The following DDX31 variants were observed in gnomAD, a reference collection of about 807,000 sequenced individuals.
The protein encoded by DDX31 is ATP-dependent DNA helicase DDX31.
A neutral mutation model predicts 91.3 loss-of-function variants in DDX31; 70 were observed. The observed-to-expected ratio is 0.77, with a 90% CI of 0.63 to 0.94. The LOEUF (loss-of-function observed/expected upper bound fraction) is 0.94, where lower values mean the gene tolerates loss of function less well. DDX31 is among the 40% of genes least tolerant of loss of function. The pLI, the probability that DDX31 is intolerant of heterozygous loss-of-function variation, is 0.00. For missense variants in DDX31, 902 were observed against 925.0 expected (o/e 0.98, Z 0.32); for synonymous variants, 362 against 350.6 (o/e 1.03, Z -0.36).
Position 132,648,460 on chromosome 9 carries a change from G to A in DDX31, c.832C>T (p.Arg278Trp), listed in dbSNP as rs202240270. 8.7e-5 allele frequency: 141 copies of A among 1,613,796 alleles called. No homozygotes were observed. Among genetic ancestry groups the A allele is most frequent in the Non-Finnish European group, 1.1e-4 (130 of 1,179,956 alleles). Residue 278 changes from arginine to tryptophan, a missense_variant, in exon 10 of 20, where the codon CGG becomes TGG. Arg to Trp is a moderately radical substitution (Grantham distance 101). Coordinates refer to ENST00000372159, the MANE Select transcript of DDX31 (RefSeq NM_022779.9). Reference protein sequence around the residue: ...STKNIHFSRLRWLVFDEADRI... With the variant: ...STKNIHFSRLWWLVFDEADRI... ...TCTGCTTCATCAAACACCAACCACC[G>A]CAGCCGACTAAAATGAATGTTCTTT... is the stretch of plus-strand genomic sequence containing the variant.
In DDX31 at chr9:132,600,090, AG is replaced by A. The variant is rs1350794500; in HGVS notation, c.1995-4979del. Among the ~76,000 whole-genome samples the A allele has an allele frequency of 3.9e-5, 6 of 152,230 alleles. No homozygotes were observed. The East Asian group carries it at 9.6e-4, about 24-fold the overall frequency. ...CGTATGCTTGTACACAGAGGAGCTG[AG>A]GGAAAGAATAAGCTGGTGTGGGATG... is the stretch of plus-strand genomic sequence containing the variant. On this transcript the variant is annotated intron_variant, in intron 19 of 19. Transcript: ENST00000372159.
intron 6 of DDX31, among the ~76,000 whole-genome samples, chr9:132,653,846 T>C (rs942007105): frequency 2.9e-4 from 44 of 151,894 alleles, no homozygotes; most frequent in African/African-American, 1.0e-3. Flanking sequence ...TATGGAAAAA[T>C]AAATGTACAA....
At chr9:132,663,589 C>G in intron 1 of DDX31, 1 of 900,670 alleles carries the variant, frequency 1.1e-6, no homozygotes, top group Non-Finnish European at 1.3e-6. Flanking sequence ...TAAAAGCATC[C>G]CTTGAGTAGC....
At chr9:132,609,644 C>T (rs561295807) in intron 19 of DDX31, among the ~76,000 whole-genome samples, 2 of 151,900 alleles carry the variant, frequency 1.3e-5, no homozygotes, top group Non-Finnish European at 2.9e-5. Flanking sequence ...TTCTTTGAGA[C>T]AGCGTCTCAC....
At position 132,607,350 on chromosome 9, in the gene DDX31, A is replaced by G. The variant is rs185698009; in HGVS notation, c.1994+4737T>C. 1.5e-4 allele frequency among the ~76,000 whole-genome samples: 23 copies of G among 152,364 alleles called. No individual in the cohort carries two copies. The East Asian group carries it at 3.9e-3, about 26-fold the overall frequency. On this transcript the variant is annotated intron_variant, in intron 19 of 19. Transcript: ENST00000372159. ...ACATTTGGGCTAGGCTGACTTGAGA[A>G]AATTTATACAAATAAAACTTTTCTT...
chr9:132,604,051 C>CCA (rs547242621), intron 19 of DDX31, among the ~76,000 whole-genome samples: 25 of 152,256 alleles, frequency 1.6e-4, no homozygotes, highest in Non-Finnish European at 2.6e-4. Context: ...AAAGCAAGGC[C>CCA]CACAGCACCT....
chr9:132,669,973 G>C lies in DDX31; in HGVS notation c.-39C>G. ...GACGCGTGGTGCAGCAGCGAGCCCG[G>C]TGCGCAGACTGCTGGGCCCGGGACC... On this transcript the variant is annotated 5_prime_UTR_variant, in exon 1 of 20. Transcript: ENST00000372159. The C allele has an allele frequency of 6.3e-7, 1 of 1,577,042 alleles. No homozygotes were observed. Among genetic ancestry groups the C allele is most frequent in the Non-Finnish European group, 8.6e-7 (1 of 1,162,466 alleles).
At chr9:132,669,488 C>T in intron 1 of DDX31, 1 of 1,017,830 alleles carries the variant, frequency 9.8e-7, no homozygotes, top group Non-Finnish European at 1.3e-6. Flanking sequence ...AAAATCAGAG[C>T]TTAGTCCGCA....
rs77288837 is a variant in DDX31, at chr9:132,625,353, C to T, written c.1713+311G>A. 5.6e-3 allele frequency among the ~76,000 whole-genome samples: 852 copies of T among 152,078 alleles called. 6 individuals are homozygous for T. Among genetic ancestry groups the T allele is most frequent in the African/African-American group, 0.017 (714 of 41,404 alleles). ...TGCTGAGAATCTGGACAGGGACCAC[C>T]GGGGCTGAGCGTGTGGCACTGCCTC... On this transcript the variant is annotated intron_variant, in intron 17 of 19. Transcript: ENST00000372159.
At chr9:132,631,667 A>G (rs1349206661) in intron 15 of DDX31, among the ~76,000 whole-genome samples, 1 of 152,208 alleles carries the variant, frequency 6.6e-6, no homozygotes, top group Non-Finnish European at 1.5e-5. Flanking sequence ...CCTGCAGGTC[A>G]ACGTACACGG....
intron 14 of DDX31, chr9:132,637,774 C>G (rs1833216616): frequency 3.1e-6 from 3 of 976,788 alleles, no homozygotes; most frequent in African/African-American, 1.8e-5. Flanking sequence ...ACTGAGTAAA[C>G]AGCAAACAAT....
chr9:132,669,837 G>A (rs1003624890), intron 1 of DDX31, 23 bp downstream of exon 1: 4 of 1,558,578 alleles, frequency 2.6e-6, no homozygotes, highest in African/African-American at 2.7e-5. Flanking sequence ...TGGGGACGGA[G>A]CTGAAGCCGG....
In DDX31 at chr9:132,645,866, T is replaced by G. The variant is rs760273633; in HGVS notation, c.1380+29A>C. 7 of 1,590,518 alleles carry G rather than the reference T, an allele frequency of 4.4e-6. No homozygotes were observed. The South Asian group carries it at 7.8e-5, about 18-fold the overall frequency. ...CCATCTCCACGTGGGGCCGCAGTGTTGTCGCTGCACAGGGAGATCAGTGCT... is the reference window on the plus strand; with the variant it reads ...CCATCTCCACGTGGGGCCGCAGTGTGGTCGCTGCACAGGGAGATCAGTGCT... On this transcript the variant is annotated intron_variant, in intron 13 of 19. Transcript: ENST00000372159.
chr9:132,636,991 T>C (rs1833159649), intron 14 of DDX31, among the ~76,000 whole-genome samples: 1 of 152,202 alleles, frequency 6.6e-6, no homozygotes, highest in Non-Finnish European at 1.5e-5. Context: ...ACCACGTATA[T>C]GACAAATATC....
At chr9:132,649,794 A>C (rs925520757) in intron 9 of DDX31, among the ~76,000 whole-genome samples, 4 of 152,260 alleles carry the variant, frequency 2.6e-5, no homozygotes, top group Non-Finnish European at 5.9e-5. Flanking sequence ...ACTGACACCC[A>C]TTACAAATCC....
intron 1 of DDX31, among the ~76,000 whole-genome samples, chr9:132,664,410 T>C (rs910053876): frequency 6.6e-6 from 1 of 152,060 alleles, no homozygotes. Flanking sequence ...TAGGCTGAAC[T>C]AAAAAATCTG....
chr9:132,615,715 G>A (rs963826325), intron 18 of DDX31, among the ~76,000 whole-genome samples: 1 of 152,128 alleles, frequency 6.6e-6, no homozygotes, highest in South Asian at 2.1e-4. Flanking sequence ...ATTTTTGTTC[G>A]GGAATCTGGA....
At chr9:132,625,800 G>C in intron 16 of DDX31, 55 bp from the exon 17 acceptor site, 1 of 1,388,594 alleles carries the variant, frequency 7.2e-7, no homozygotes, top group Non-Finnish European at 1.0e-6. Flanking sequence ...AAACACCCAA[G>C]ACCTTGATGC....
rs749935114 is a variant in DDX31 at position 132,662,707 on chromosome 9, C to A, written c.76-12G>T. ...GTAGCCTTTGCTTGCTGCGTTGTTCCCAGAAGGAAAGATCAACAAGAGATG... is the reference window on the plus strand; with the variant it reads ...GTAGCCTTTGCTTGCTGCGTTGTTCACAGAAGGAAAGATCAACAAGAGATG... On this transcript the variant is annotated splice_polypyrimidine_tract_variant and intron_variant, in intron 1 of 19. Coordinates refer to ENST00000372159, the MANE Select transcript of DDX31 (RefSeq NM_022779.9). 1 of 1,613,672 alleles carries A rather than the reference C, an allele frequency of 6.2e-7. No individual in the cohort carries two copies. The highest frequency in any genetic ancestry group is 1.1e-5 in the South Asian group (1 of 91,056).
Sources: gnomAD v4.1 joint callset for allele counts (sites outside exome capture counted in the v4.1 genomes callset) on GRCh38, gnomAD v4.1.1 for gene constraint, MANE v1.5 for transcripts, NCBI Gene and HGNC (gene_info 2026-07-23, HGNC 2026-07-21) for gene names.